Variants in GPHN observed in about 807,000 individuals in gnomAD.
GPHN encodes the protein gephyrin.
GPHN carries 17 observed loss-of-function variants against 95.5 expected under a neutral mutation model. That is an observed-to-expected ratio of 0.18 (90% CI 0.12 to 0.27). The LOEUF (loss-of-function observed/expected upper bound fraction) is 0.27, where lower values mean the gene tolerates loss of function less well. Among genes scored for constraint, GPHN ranks in the 10% least tolerant of loss-of-function variants. The pLI is 1.00. For synonymous variants in GPHN, 320 were observed against 322.5 expected (o/e 0.99, Z 0.08); for missense variants, 660 against 978.1 (o/e 0.67, Z 4.34).
At chr14:66,584,635 A>G (rs1425528057) in intron 1 of GPHN, among the ~76,000 whole-genome samples, 6 of 152,096 alleles carry the variant, frequency 3.9e-5, no homozygotes, top group African/African-American at 1.2e-4. Context: ...TTCTGCATCT[A>G]TTGAGATGAT....
At chr14:67,733,837 C>T in the GPHN span, 18 of 1,611,286 alleles carry the variant, frequency 1.1e-5, no homozygotes, top group South Asian at 3.3e-5. Flanking sequence ...TCTAGGAATC[C>T]GGTGGGAGTA....
chr14:66,668,356 A>G (rs76866163), intron 1 of GPHN, among the ~76,000 whole-genome samples: 2,027 of 152,336 alleles, frequency 0.013, 20 homozygotes, highest in Middle Eastern at 0.02. Context: ...AGTACTTATG[A>G]CAATAGCAAA....
intron 4 of GPHN, among the ~76,000 whole-genome samples, chr14:66,845,583 A>G (rs1464174782): frequency 6.6e-6 from 1 of 152,130 alleles, no homozygotes; most frequent in Non-Finnish European, 1.5e-5. Context: ...GGAGAGAGGT[A>G]GGCATTTGAA....
the GPHN span, among the ~76,000 whole-genome samples, chr14:67,623,534 C>CT: frequency 0.22 from 17,864 of 82,876 alleles, 4,772 homozygotes; most frequent in Non-Finnish European, 0.29. Context: ...CTCAGGTAAC[C>CT]TTTTTTTTTT....
chr14:67,690,642 T>A, the GPHN span: 1 of 522,186 alleles, frequency 1.9e-6, no homozygotes, highest in Non-Finnish European at 3.4e-6. Flanking sequence ...GTCTAGACTA[T>A]GTGAATATGA....
At chr14:67,722,766 C>T in the GPHN span, 55 of 1,371,436 alleles carry the variant, frequency 4.0e-5, no homozygotes, top group Admixed American at 1.0e-4. Flanking sequence ...CACTGGAAGC[C>T]GGTTCTCAGC....
chr14:67,674,367 C>A, the GPHN span: 11 of 1,586,328 alleles, frequency 6.9e-6, no homozygotes, highest in Non-Finnish European at 8.6e-6. Context: ...GGCCCACCCC[C>A]GCCTCACCGG....
At chr14:66,832,318 G>C (rs2061610580) in intron 4 of GPHN, among the ~76,000 whole-genome samples, 1 of 152,148 alleles carries the variant, frequency 6.6e-6, no homozygotes, top group Non-Finnish European at 1.5e-5. Context: ...TGTAATCTTT[G>C]TAGATGCTCA....
chr14:66,829,899 T>C (rs1463117498), intron 4 of GPHN, among the ~76,000 whole-genome samples: 3 of 152,146 alleles, frequency 2.0e-5, no homozygotes, highest in Non-Finnish European at 4.4e-5. Context: ...TTTTTTTGCA[T>C]GTCCAGGGAG....
intron 2 of GPHN, among the ~76,000 whole-genome samples, chr14:66,686,527 T>C (rs2067371980): frequency 6.6e-6 from 1 of 152,200 alleles, no homozygotes; most frequent in Non-Finnish European, 1.5e-5. Context: ...GAATGGGAGT[T>C]CACTCATGAT....
intron 1 of GPHN, among the ~76,000 whole-genome samples, chr14:66,623,078 T>TA (rs1168866415): frequency 6.6e-6 from 1 of 152,192 alleles, no homozygotes; most frequent in African/African-American, 2.4e-5. Context: ...TTAATGGACT[T>TA]ACAGTTCTTC....
intron 5 of GPHN, among the ~76,000 whole-genome samples, chr14:66,906,225 C>G (rs535796149): frequency 6.6e-6 from 1 of 152,190 alleles, no homozygotes; most frequent in African/African-American, 2.4e-5. Flanking sequence ...GATTTAGCAT[C>G]TCCTTTGGCT....
rs143336573 is a variant in GPHN at position 67,175,291 on chromosome 14, C to T, written c.2080-4287C>T. On this transcript the variant is annotated intron_variant, in intron 21 of 22. Coordinates refer to ENST00000478722, the MANE Select transcript of GPHN (RefSeq NM_020806.5). ...GAAGGGATCCAGTTTCAGCTTTCTA[C>T]TTATGGCTAGCCAGTTTTCCCAGCA... is the stretch of plus-strand genomic sequence containing the variant. Among the ~76,000 whole-genome samples the T allele has an allele frequency of 4.5e-3, 691 of 152,298 alleles. 5 individuals are homozygous for T. Among genetic ancestry groups the T allele is most frequent in the Middle Eastern group, 0.014 (4 of 294 alleles).
intron 8 of GPHN, among the ~76,000 whole-genome samples, chr14:66,938,006 G>A (rs1310084060): frequency 6.6e-6 from 1 of 152,116 alleles, no homozygotes; most frequent in East Asian, 1.9e-4. Flanking sequence ...CAGGTACTAG[G>A]TTGGTTTCTC....
At chr14:66,547,118 A>G (rs1298544058) in intron 1 of GPHN, among the ~76,000 whole-genome samples, 1 of 152,122 alleles carries the variant, frequency 6.6e-6, no homozygotes. Flanking sequence ...TTCTTCCTCT[A>G]TCCAACAGAG....
the GPHN span, chr14:67,393,133 C>G: frequency 6.3e-7 from 1 of 1,589,202 alleles, no homozygotes; most frequent in African/African-American, 1.3e-5. Flanking sequence ...CAGCCCGGCC[C>G]TGGGGGACAG....
chr14:67,402,902 A>G, the GPHN span, among the ~76,000 whole-genome samples: 1 of 152,168 alleles, frequency 6.6e-6, no homozygotes, highest in African/African-American at 2.4e-5. Context: ...ATATCTCTTC[A>G]ATATATTGAT....
chr14:67,573,786 A>T, the GPHN span: 5 of 1,580,406 alleles, frequency 3.2e-6, no homozygotes, highest in African/African-American at 2.7e-5. The surrounding 1 kb of genome is among the most constrained non-coding windows in gnomAD (Gnocchi z 4.8). Flanking sequence ...CTCCTCTCCA[A>T]TACTTTCTTT....
At chr14:67,517,477 T>G in the GPHN span, among the ~76,000 whole-genome samples, 1 of 152,196 alleles carries the variant, frequency 6.6e-6, no homozygotes. Flanking sequence ...AACATTGAGG[T>G]CAAAGAAAAA....
Sources: gnomAD v4.1 joint callset for allele counts (sites outside exome capture counted in the v4.1 genomes callset) on GRCh38, gnomAD v4.1.1 for gene constraint, Gnocchi (gnomAD v3.1) non-coding constraint, MANE v1.5 for transcripts, NCBI Gene and HGNC (gene_info 2026-07-23, HGNC 2026-07-21) for gene names.